Variants in ANK3 observed in about 807,000 individuals in gnomAD.
The protein encoded by ANK3 is ankyrin-3.
A neutral mutation model predicts 370.9 loss-of-function variants in ANK3; 57 were observed. The observed-to-expected ratio is 0.15, with a 90% CI of 0.12 to 0.19. The LOEUF (loss-of-function observed/expected upper bound fraction) is 0.19. Among genes scored for constraint, ANK3 ranks in the 10% least tolerant of loss-of-function variants. The pLI, the probability that ANK3 is intolerant of heterozygous loss-of-function variation, is 1.00. For synonymous variants in ANK3, 1,929 were observed against 1,946.3 expected (o/e 0.99, Z 0.23); for missense variants, 4,439 against 5,302.1 (o/e 0.84, Z 5.06).
chr10:60,715,371 T>C (rs1564609972), intron 1 of ANK3, among the ~76,000 whole-genome samples: 1 of 151,832 alleles, frequency 6.6e-6, no homozygotes, highest in East Asian at 1.9e-4. Context: ...AAAGGAACAA[T>C]GCATAAAGGA....
intron 2 of ANK3, among the ~76,000 whole-genome samples, chr10:60,436,119 TAA>T (rs2064152953): frequency 6.6e-6 from 1 of 151,774 alleles, no homozygotes; most frequent in Admixed American, 6.6e-5. Context: ...ATAAAAAAAA[TAA>T]AGTCTCATCA....
chr10:60,314,385 T>C (rs909219427), intron 1 of ANK3, among the ~76,000 whole-genome samples: 3 of 152,218 alleles, frequency 2.0e-5, no homozygotes, highest in African/African-American at 4.8e-5. Flanking sequence ...TACTGTGTTA[T>C]ACTGGAGAGA....
At chr10:60,301,413 A>ATTT (rs769439635) in intron 1 of ANK3, among the ~76,000 whole-genome samples, 2 of 123,796 alleles carry the variant, frequency 1.6e-5, no homozygotes, top group Admixed American at 8.2e-5. Context: ...CACAATATAC[A>ATTT]TTTTTTTTTT....
At chr10:60,342,532 C>T (rs879477951) in intron 1 of ANK3, among the ~76,000 whole-genome samples, 5 of 152,174 alleles carry the variant, frequency 3.3e-5, no homozygotes, top group African/African-American at 4.8e-5. Context: ...GACACTCTGA[C>T]TGAGGCAATG....
At chr10:60,571,187 G>A (rs993987535) in intron 2 of ANK3, among the ~76,000 whole-genome samples, 1 of 151,654 alleles carries the variant, frequency 6.6e-6, no homozygotes, top group Admixed American at 6.6e-5. Context: ...CCCTTGCCAA[G>A]GCAATGTACA....
intron 1 of ANK3, among the ~76,000 whole-genome samples, chr10:60,726,137 T>C (rs537091290): frequency 2.0e-5 from 3 of 152,138 alleles, no homozygotes; most frequent in Non-Finnish European, 4.4e-5. Flanking sequence ...ATCTACTATA[T>C]CAGCACATCA....
intron 40 of ANK3, chr10:60,061,873 CTT>C (rs1167417127): frequency 6.6e-6 from 1 of 152,062 alleles, no homozygotes; most frequent in Non-Finnish European, 1.5e-5. Context: ...GTTTGTGACT[CTT>C]GTTAATCTAA....
chr10:60,459,959 C>G (rs747878882), intron 2 of ANK3, among the ~76,000 whole-genome samples: 5 of 152,066 alleles, frequency 3.3e-5, no homozygotes, highest in African/African-American at 1.2e-4. Context: ...AAAGCAGAGT[C>G]GAGCATATGA....
chr10:60,198,507 G>T lies in ANK3; in HGVS notation c.1522C>A (p.Arg508=), dbSNP rs2096621550. The change falls in exon 14 of 44, where the codon CGA becomes AGA. Residue 508 remains arginine, a synonymous_variant. Transcript: ENST00000280772. ...DDQTPLHISA[R]LGKADIVQQL... ...TGTACTATGTCTGCTTTCCCCAGTC[G>T]GGCTGAAATGTGGAGTGGTGTTTGG... 3 of 1,614,034 alleles carry T rather than the reference G, an allele frequency of 1.9e-6. No homozygotes were observed. Among genetic ancestry groups the T allele is most frequent in the Non-Finnish European group, 1.7e-6 (2 of 1,180,020 alleles).
At chr10:60,324,742 C>A (rs2049419754) in intron 1 of ANK3, among the ~76,000 whole-genome samples, 1 of 152,154 alleles carries the variant, frequency 6.6e-6, no homozygotes, top group African/African-American at 2.4e-5. Context: ...CTAGAATATT[C>A]TCCATGCCAC....
At chr10:60,122,396 G>T (rs892332595) in intron 25 of ANK3, among the ~76,000 whole-genome samples, 5 of 152,200 alleles carry the variant, frequency 3.3e-5, no homozygotes, top group Non-Finnish European at 1.5e-5. Context: ...GTAGGGGAGT[G>T]TGCCTATCTC....
intron 1 of ANK3, among the ~76,000 whole-genome samples, chr10:60,623,700 A>G (rs1448833031): frequency 6.6e-6 from 1 of 152,206 alleles, no homozygotes; most frequent in Non-Finnish European, 1.5e-5. Context: ...GAAGTAGATG[A>G]AGGACCTCAG....
intron 25 of ANK3, among the ~76,000 whole-genome samples, chr10:60,123,158 C>T (rs1047737090): frequency 6.6e-6 from 1 of 152,096 alleles, no homozygotes; most frequent in South Asian, 2.1e-4. Flanking sequence ...TTTAATAGAA[C>T]ACTATGTTAA....
chr10:60,322,695 A>G (rs1051241340), intron 1 of ANK3, among the ~76,000 whole-genome samples: 1 of 152,122 alleles, frequency 6.6e-6, no homozygotes, highest in Non-Finnish European at 1.5e-5. Flanking sequence ...GGGTACAGTG[A>G]CAAACAAAAC....
At chr10:60,541,060 G>A (rs11817221) in intron 2 of ANK3, among the ~76,000 whole-genome samples, 11,916 of 151,850 alleles carry the variant, frequency 0.078, 615 homozygotes, top group South Asian at 0.18. Flanking sequence ...AAGTAATCTA[G>A]TAATGCTACA....
intron 8 of ANK3, among the ~76,000 whole-genome samples, chr10:60,223,668 T>C (rs909416627): frequency 7.2e-6 from 1 of 138,918 alleles, no homozygotes; most frequent in South Asian, 2.1e-4. Flanking sequence ...ATCCTTTTTG[T>C]TTAAGAGTAG....
At chr10:60,557,921 C>T (rs1049111971) in intron 2 of ANK3, among the ~76,000 whole-genome samples, 13 of 152,196 alleles carry the variant, frequency 8.5e-5, no homozygotes, top group Non-Finnish European at 1.3e-4. Context: ...GATTAGGAAA[C>T]GTTTCTTGTT....
intron 1 of ANK3, among the ~76,000 whole-genome samples, chr10:60,336,730 C>T (rs1234763883): frequency 1.3e-5 from 2 of 152,162 alleles, no homozygotes; most frequent in Admixed American, 6.6e-5. Flanking sequence ...AATGAATAGC[C>T]AGCATATCTA....
chr10:60,620,758 A>G (rs986240352), intron 1 of ANK3, among the ~76,000 whole-genome samples: 2 of 152,206 alleles, frequency 1.3e-5, no homozygotes, highest in Admixed American at 6.5e-5. Flanking sequence ...CAATAACGCT[A>G]ATTACCAAGA....
Sources: gnomAD v4.1 joint callset for allele counts (sites outside exome capture counted in the v4.1 genomes callset) on GRCh38, gnomAD v4.1.1 for gene constraint, MANE v1.5 for transcripts, NCBI Gene and HGNC (gene_info 2026-07-23, HGNC 2026-07-21) for gene names.